The following CNTNAP2 variants were observed in gnomAD, a reference collection of about 807,000 sequenced individuals.
CNTNAP2 encodes the protein contactin-associated protein-like 2.
Under a neutral mutation model 155.2 loss-of-function variants are expected in CNTNAP2, and 98 were observed. That is an observed-to-expected ratio of 0.63 (90% CI 0.54 to 0.75). The LOEUF (loss-of-function observed/expected upper bound fraction) is 0.75. CNTNAP2 is among the 30% of genes least tolerant of loss of function. The pLI is 0.00. For synonymous variants in CNTNAP2, 651 were observed against 631.2 expected (o/e 1.03, Z -0.47); for missense variants, 1,727 against 1,688.1 (o/e 1.02, Z -0.40).
intron 8 of CNTNAP2, among the ~76,000 whole-genome samples, chr7:147,223,948 A>C (rs1191872033): frequency 6.6e-6 from 1 of 151,698 alleles, no homozygotes; most frequent in Non-Finnish European, 1.5e-5. Flanking sequence ...TCAAAAAAAA[A>C]AAAAAAAAGA....
intron 13 of CNTNAP2, among the ~76,000 whole-genome samples, chr7:147,870,179 T>C (rs956146235): frequency 6.6e-6 from 1 of 152,186 alleles, no homozygotes. Flanking sequence ...TTGATCTATG[T>C]TGAAAATTTG....
At chr7:146,489,624 C>A (rs1282268256) in intron 1 of CNTNAP2, among the ~76,000 whole-genome samples, 1 of 152,118 alleles carries the variant, frequency 6.6e-6, no homozygotes. Context: ...GGTGCCCTGC[C>A]CACTTGGCCT....
At chr7:146,426,970 A>C (rs1015781676) in intron 1 of CNTNAP2, among the ~76,000 whole-genome samples, 8 of 152,200 alleles carry the variant, frequency 5.3e-5, no homozygotes, top group African/African-American at 1.9e-4. Context: ...GCTGTACACC[A>C]TAAATATATA....
chr7:147,501,975 C>G (rs889334901), intron 11 of CNTNAP2, among the ~76,000 whole-genome samples: 1 of 151,982 alleles, frequency 6.6e-6, no homozygotes, highest in African/African-American at 2.4e-5. Context: ...GTAATAGTAT[C>G]AAAAAGCATA....
At chr7:146,190,088 A>G (rs1032625828) in intron 1 of CNTNAP2, among the ~76,000 whole-genome samples, 2 of 152,176 alleles carry the variant, frequency 1.3e-5, no homozygotes, top group Admixed American at 6.5e-5. Flanking sequence ...AATAACGGAG[A>G]TATACTTCAA....
At chr7:146,289,542 A>G (rs1282923508) in intron 1 of CNTNAP2, among the ~76,000 whole-genome samples, 2 of 152,196 alleles carry the variant, frequency 1.3e-5, no homozygotes, top group Non-Finnish European at 1.5e-5. Flanking sequence ...TGTTTTTACT[A>G]ATTTTCATTA....
intron 21 of CNTNAP2, among the ~76,000 whole-genome samples, chr7:148,347,681 A>G (rs771040510): frequency 2.6e-5 from 4 of 152,260 alleles, no homozygotes; most frequent in Non-Finnish European, 5.9e-5. Flanking sequence ...TATCAGAAAT[A>G]AGAGCCATTC....
chr7:148,199,899 A>C (rs1795340410), intron 18 of CNTNAP2, among the ~76,000 whole-genome samples: 1 of 152,182 alleles, frequency 6.6e-6, no homozygotes, highest in Non-Finnish European at 1.5e-5. Context: ...TCTGAGCCCA[A>C]AGGCTTCAGA....
At chr7:146,713,725 C>A (rs1364567132) in intron 1 of CNTNAP2, among the ~76,000 whole-genome samples, 2 of 152,112 alleles carry the variant, frequency 1.3e-5, no homozygotes, top group Non-Finnish European at 2.9e-5. Flanking sequence ...ACATGTCAAG[C>A]ACTGCCAACG....
At chr7:147,271,085 A>G (rs1249924644) in intron 8 of CNTNAP2, among the ~76,000 whole-genome samples, 1 of 152,204 alleles carries the variant, frequency 6.6e-6, no homozygotes, top group Non-Finnish European at 1.5e-5. Flanking sequence ...ACGTTATTGA[A>G]CGTAGAATTT....
intron 14 of CNTNAP2, among the ~76,000 whole-genome samples, chr7:147,962,156 A>G (rs1801129234): frequency 6.6e-6 from 1 of 152,246 alleles, no homozygotes; most frequent in South Asian, 2.1e-4. Flanking sequence ...AGTGCCTGGA[A>G]TGTAGTGGAC....
chr7:146,997,944 C>T (rs1798343978), intron 3 of CNTNAP2, among the ~76,000 whole-genome samples: 1 of 151,900 alleles, frequency 6.6e-6, no homozygotes, highest in Admixed American at 6.6e-5. Context: ...TTTTTTCTTA[C>T]TCTAGCTAAT....
At chr7:148,253,052 AGAT>A (rs1563012740) in intron 20 of CNTNAP2, among the ~76,000 whole-genome samples, 2,850 of 65,758 alleles carry the variant, frequency 0.043, 39 homozygotes, top group Admixed American at 0.061. Context: ...ATAGATAGAC[AGAT>A]GATAGATAGA....
At chr7:147,435,975 A>G (rs1223670899) in intron 10 of CNTNAP2, among the ~76,000 whole-genome samples, 2 of 151,906 alleles carry the variant, frequency 1.3e-5, no homozygotes, top group Non-Finnish European at 2.9e-5. Context: ...TATTTTTTGG[A>G]TAGTTAAACC....
chr7:146,295,682 T>C (rs1800503281), intron 1 of CNTNAP2, among the ~76,000 whole-genome samples: 1 of 151,970 alleles, frequency 6.6e-6, no homozygotes, highest in Admixed American at 6.6e-5. Flanking sequence ...TAAAAGATAT[T>C]GGTTAGATGA....
chr7:147,735,160 G>A (rs889986145), intron 13 of CNTNAP2, among the ~76,000 whole-genome samples: 11 of 152,044 alleles, frequency 7.2e-5, no homozygotes, highest in African/African-American at 2.7e-4. Context: ...TGGGCATTTA[G>A]TGCTATAAAT....
At chr7:147,490,907 G>A (rs1334614659) in intron 11 of CNTNAP2, among the ~76,000 whole-genome samples, 2 of 152,076 alleles carry the variant, frequency 1.3e-5, no homozygotes, top group African/African-American at 4.8e-5. Context: ...CAAGCGAAGG[G>A]GGAAGAACCC....
intron 1 of CNTNAP2, among the ~76,000 whole-genome samples, chr7:146,674,436 A>G (rs1456276808): frequency 6.6e-6 from 1 of 152,152 alleles, no homozygotes; most frequent in East Asian, 1.9e-4. Flanking sequence ...AACATTCTGT[A>G]GTAAAACCAG....
chr7:146,957,478 G>C (rs911088456), intron 3 of CNTNAP2, among the ~76,000 whole-genome samples: 3 of 152,072 alleles, frequency 2.0e-5, no homozygotes, highest in Non-Finnish European at 4.4e-5. Context: ...TATCCTAAAC[G>C]GTAAATGCAA....
Sources: allele counts gnomAD v4.1 joint callset (sites outside exome capture counted in the v4.1 genomes callset), GRCh38; gene constraint gnomAD v4.1.1; transcripts MANE v1.5; gene names NCBI Gene and HGNC (gene_info 2026-07-23, HGNC 2026-07-21).